ANKRD12: variants seen among roughly 807,000 people sequenced by gnomAD.
ANKRD12 encodes ankyrin repeat domain-containing protein 12.
ANKRD12 carries 85 observed loss-of-function variants against 183.4 expected under a neutral mutation model. The ratio of observed to expected loss-of-function variants is 0.46; its 90% CI spans 0.39 to 0.56. The LOEUF (loss-of-function observed/expected upper bound fraction) is 0.56, where lower values mean the gene tolerates loss of function less well. ANKRD12 is among the 20% of genes least tolerant of loss of function. ANKRD12 has a pLI of 0.00. For synonymous variants in ANKRD12, 914 were observed against 800.2 expected, an observed-to-expected ratio of 1.14 and a Z score of -2.40; for missense variants, 2,405 against 2,357.1, an observed-to-expected ratio of 1.02 and a Z score of -0.42.
intron 10 of ANKRD12, among the ~76,000 whole-genome samples, chr18:9,272,253 G>A (rs1002214623): frequency 6.6e-6 from 1 of 152,124 alleles, no homozygotes; most frequent in Non-Finnish European, 1.5e-5. Flanking sequence ...AGGGGAGAGA[G>A]GCTCTGACTT....
intron 2 of ANKRD12, among the ~76,000 whole-genome samples, chr18:9,184,392 A>ATT (rs142649502): frequency 6.6e-6 from 1 of 150,422 alleles, no homozygotes; most frequent in Non-Finnish European, 1.5e-5. Context: ...TGATATGGCC[A>ATT]TTTTTTTTTC....
intron 1 of ANKRD12, among the ~76,000 whole-genome samples, chr18:9,173,510 T>G (rs1024004050): frequency 6.6e-6 from 1 of 152,000 alleles, no homozygotes; most frequent in African/African-American, 2.4e-5. Context: ...AGACCCTAGT[T>G]GTCTTGGTCT....
intron 10 of ANKRD12, among the ~76,000 whole-genome samples, chr18:9,264,322 A>G (rs1340460287): frequency 1.3e-5 from 2 of 152,198 alleles, no homozygotes; most frequent in African/African-American, 2.4e-5. Flanking sequence ...GTGAAATTAC[A>G]GGAAGAAAAA....
intron 8 of ANKRD12, among the ~76,000 whole-genome samples, chr18:9,249,310 G>A (rs1197082056): frequency 6.6e-6 from 1 of 152,064 alleles, no homozygotes; most frequent in Admixed American, 6.6e-5. Flanking sequence ...ACATATAAAA[G>A]TTTCTCATTC....
At chr18:9,164,775 T>C (rs1057102980) in intron 1 of ANKRD12, among the ~76,000 whole-genome samples, 7 of 152,210 alleles carry the variant, frequency 4.6e-5, no homozygotes, top group African/African-American at 1.7e-4. Flanking sequence ...GTAATTTCAG[T>C]CGTTTTGCAT....
chr18:9,256,963 C>T lies in ANKRD12; in HGVS notation c.3696C>T (p.Asp1232=), dbSNP rs776558580. Residue 1232 remains aspartate, a synonymous_variant, in exon 9 of 13, where the codon GAC becomes GAT. Transcript: ENST00000262126. ...TPRPPVEYDS[D]FMLESSESQM... ...GGCCTCCAGTTGAGTATGACTCTGACTTTATGTTAGAGAGTTCAGAATCCC... is the reference window on the plus strand; with the variant it reads ...GGCCTCCAGTTGAGTATGACTCTGATTTTATGTTAGAGAGTTCAGAATCCC... The T allele has an allele frequency of 6.2e-7, 1 of 1,614,126 alleles. No homozygotes were observed. The highest frequency in any genetic ancestry group is 8.5e-7 in the Non-Finnish European group (1 of 1,179,998).
chr18:9,238,826 G>C (rs907488162), intron 8 of ANKRD12, among the ~76,000 whole-genome samples: 1 of 152,142 alleles, frequency 6.6e-6, no homozygotes, highest in Non-Finnish European at 1.5e-5. Flanking sequence ...GTGAGAAAGA[G>C]AGTAATATTT....
At chr18:9,239,149 A>C (rs1425771514) in intron 8 of ANKRD12, among the ~76,000 whole-genome samples, 1 of 152,232 alleles carries the variant, frequency 6.6e-6, no homozygotes, top group Non-Finnish European at 1.5e-5. Flanking sequence ...AAGATTTTAA[A>C]GGTAAAAATT....
Position 9,258,697 on chromosome 18 carries a change from G to GCA in ANKRD12, c.5431_5432dup (p.Gln1811HisfsTer8). The GCA allele has an allele frequency of 6.2e-7, 1 of 1,613,906 alleles. No individual in the cohort carries two copies. The highest frequency in any genetic ancestry group is 8.5e-7 in the Non-Finnish European group (1 of 1,179,900). On this transcript the variant is annotated frameshift_variant, in exon 9 of 13. Coordinates refer to ENST00000262126, the MANE Select transcript of ANKRD12 (RefSeq NM_015208.5). LOFTEE classifies it high-confidence loss of function. Reference sequence around the variant, plus strand: ...TACTACAAGCAAAAGAGAAAACTCAGCAATCTCTGGCAGCCATTGTAGATT... The same window carrying GCA: ...TACTACAAGCAAAAGAGAAAACTCAGCACAATCTCTGGCAGCCATTGTAGATT...
chr18:9,158,899 G>A (rs372092728), intron 1 of ANKRD12, among the ~76,000 whole-genome samples: 25 of 152,302 alleles, frequency 1.6e-4, no homozygotes, highest in African/African-American at 5.8e-4. Flanking sequence ...GTGTGGACTT[G>A]TAGATGTTGA....
At position 9,281,172 on chromosome 18, in the gene ANKRD12, A is replaced by G. The variant is rs749412179; in HGVS notation, c.*46A>G. The stretch of plus-strand genomic sequence containing the variant: ...TATTGTCCTAAACTGGTGATGCTCA[A>G]GCATTATACTGTGGAATACTGCCTT... On this transcript the variant is annotated 3_prime_UTR_variant, in exon 13 of 13. Transcript: ENST00000262126. 1 of 1,508,768 alleles carries G rather than the reference A, an allele frequency of 6.6e-7. No homozygotes were observed. Among genetic ancestry groups the G allele is most frequent in the Non-Finnish European group, 9.0e-7 (1 of 1,108,002 alleles). 93.5% of individuals were successfully genotyped at this position (1,508,768 alleles called of 1,614,324 possible).
At position 9,248,297 on chromosome 18, in the gene ANKRD12, C is replaced by T. The variant is rs529358836; in HGVS notation, c.944-5914C>T. Among the ~76,000 whole-genome samples, 68 of 152,324 alleles carry T rather than the reference C, an allele frequency of 4.5e-4. 3 individuals are homozygous for T. The South Asian group carries it at 0.014, about 32-fold the overall frequency. ...CATGAACATCGGACTTCTTTTGAAA[C>T]ATTTGTGGCACTCAGTATTGACATA... On this transcript the variant is annotated intron_variant, in intron 8 of 12. Transcript: ENST00000262126.
chr18:9,217,091 C>T (rs2036150491), intron 7 of ANKRD12, among the ~76,000 whole-genome samples, 191 bp downstream of exon 7: 1 of 152,146 alleles, frequency 6.6e-6, no homozygotes. Context: ...ATTTTCTTTT[C>T]ATAAAACCCT....
At chr18:9,209,693 A>G (rs952780464) in intron 5 of ANKRD12, among the ~76,000 whole-genome samples, 2 of 152,206 alleles carry the variant, frequency 1.3e-5, no homozygotes, top group African/African-American at 2.4e-5. Context: ...CACCTCCAAC[A>G]TGGGAAAGTC....
intron 1 of ANKRD12, among the ~76,000 whole-genome samples, chr18:9,165,601 T>C (rs113234459): frequency 4.6e-5 from 7 of 152,324 alleles, no homozygotes; most frequent in African/African-American, 1.4e-4. Context: ...TGGAATCATA[T>C]AGTATTTGTC....
chr18:9,223,640 G>A (rs922957654), intron 8 of ANKRD12, among the ~76,000 whole-genome samples: 3 of 152,072 alleles, frequency 2.0e-5, no homozygotes, highest in African/African-American at 7.2e-5. Flanking sequence ...AGCTTTTGTT[G>A]TGGGGAAAAA....
At chr18:9,196,880 C>G (rs1003152953) in intron 3 of ANKRD12, among the ~76,000 whole-genome samples, 1 of 151,984 alleles carries the variant, frequency 6.6e-6, no homozygotes, top group African/African-American at 2.4e-5. Flanking sequence ...AAGTGATACT[C>G]TCAAGCTAAT....
intron 7 of ANKRD12, among the ~76,000 whole-genome samples, chr18:9,220,776 C>T (rs1371282459): frequency 1.3e-5 from 2 of 152,130 alleles, no homozygotes. Flanking sequence ...TAATTGTCAT[C>T]ACATTCAGAG....
At position 9,187,169 on chromosome 18, in the gene ANKRD12, A is replaced by G. The variant is rs73392384; in HGVS notation, c.87+4650A>G. On this transcript the variant is annotated intron_variant, in intron 2 of 12. Transcript: ENST00000262126. Reference sequence around the variant, plus strand: ...AGGCTGGGCATGGTGGCTCATGCCTATAATGTGTGCTTTGGGGAGACCAAG... The same window carrying G: ...AGGCTGGGCATGGTGGCTCATGCCTGTAATGTGTGCTTTGGGGAGACCAAG... Among the ~76,000 whole-genome samples the G allele has an allele frequency of 4.0e-3, 609 of 152,190 alleles. 3 individuals are homozygous for G. Among genetic ancestry groups the G allele is most frequent in the African/African-American group, 0.014 (575 of 41,512 alleles).
Sources: gnomAD v4.1 joint callset for allele counts (sites outside exome capture counted in the v4.1 genomes callset) on GRCh38, gnomAD v4.1.1 for gene constraint, MANE v1.5 for transcripts, NCBI Gene and HGNC (gene_info 2026-07-23, HGNC 2026-07-21) for gene names.